SLC19A1: variants seen among roughly 807,000 people sequenced by gnomAD.
SLC19A1 encodes the protein solute carrier family 19 member 1.
Under a neutral mutation model 35.3 loss-of-function variants are expected in SLC19A1, and 37 were observed. That is an observed-to-expected ratio of 1.05 (90% CI 0.81 to 1.38). SLC19A1 has a LOEUF of 1.38. SLC19A1 is among the 40% of genes most tolerant of loss of function. SLC19A1 has a pLI of 0.00. For missense variants in SLC19A1, 831 were observed against 826.9 expected, an observed-to-expected ratio of 1.00 and a Z score of -0.06; for synonymous variants, 460 against 398.5, an observed-to-expected ratio of 1.15 and a Z score of -1.84.
chr21:45,544,159 C>G (rs1192184295), upstream of SLC19A1: 1 of 152,350 alleles, frequency 6.6e-6, no homozygotes, highest in Non-Finnish European at 1.5e-5. Context: ...TCAGGTGTAG[C>G]CGAGCGAATC....
chr21:45,503,072 T>G (rs1240926631), intron 3 of SLC19A1: 1 of 152,172 alleles, frequency 6.6e-6, no homozygotes, highest in East Asian at 1.9e-4. Flanking sequence ...TTATAGTCCT[T>G]TGTGTATATA....
At chr21:45,547,701 A>C (rs2078428495), upstream of SLC19A1, among the ~76,000 whole-genome samples, 1 of 152,162 alleles carries the variant, frequency 6.6e-6, no homozygotes, top group South Asian at 2.1e-4. Flanking sequence ...TGTATATCTT[A>C]CATGTATTTG....
intron 3 of SLC19A1, 25 bp downstream of exon 3, chr21:45,531,364 G>A: frequency 1.9e-6 from 3 of 1,543,690 alleles, no homozygotes; most frequent in South Asian, 2.5e-5. Context: ...GCGGGAAGAA[G>A]CCTCGGGGAC....
rs1044046012 is a variant in SLC19A1, at chr21:45,505,487, CA to C, written c.498-6876del. The C allele has an allele frequency of 4.4e-6, 4 of 903,482 alleles. No homozygotes were observed. The Admixed American group carries it at 8.0e-5, about 18-fold the overall frequency. 56.0% of individuals were successfully genotyped at this position (903,482 alleles called of 1,614,324 possible). ...GCGTCCCGTGCCCTGGCTGGTTCTG[CA>C]GCCCCTGCCCCTCAGAGACACTCTC... On this transcript the variant is annotated intron_variant, in intron 3 of 4. Coordinates refer to the SLC19A1 transcript ENST00000417954.
Position 45,534,832 on chromosome 21 carries a change from G to A in SLC19A1, c.190-2684C>T. 1 of 566,212 alleles carries A rather than the reference G, an allele frequency of 1.8e-6. No homozygotes were observed. The highest frequency in any genetic ancestry group is 3.2e-6 in the Non-Finnish European group (1 of 316,618). The allele number at this position is 566,212 out of a possible 1,614,324, so 35.1% of individuals were successfully genotyped here. ...TCACAACGGTCCCAGCAGGGAGGTG[G>A]CATCTGTCAGGCGGCCACGACTCTG... is the stretch of plus-strand genomic sequence containing the variant. On this transcript the variant is annotated intron_variant, in intron 2 of 5. Transcript: ENST00000311124. This position sits in a 1 kb window ranked among gnomAD's most constrained non-coding sequence, Gnocchi z 4.2.
Position 45,540,863 on chromosome 21 carries a change from G to T in SLC19A1, c.-50+1505C>A, listed in dbSNP as rs1452366227. Among the ~76,000 whole-genome samples the T allele has an allele frequency of 6.6e-6, 1 of 151,810 alleles. No individual in the cohort carries two copies. Among genetic ancestry groups the T allele is most frequent in the African/African-American group, 2.4e-5 (1 of 41,428 alleles). On this transcript the variant is annotated intron_variant, in intron 1 of 5. Transcript: ENST00000311124. This position sits in a 1 kb window ranked among gnomAD's most constrained non-coding sequence, Gnocchi z 5.5. Reference sequence around the variant, plus strand: ...CCGGCCCCACTGTCCACAGTGACCAGCCCCACCCAGGCCCTGTCCTTCCAA... The same window carrying T: ...CCGGCCCCACTGTCCACAGTGACCATCCCCACCCAGGCCCTGTCCTTCCAA...
At chr21:45,508,524 G>GGGTGGGTGGAT (rs2037387156), downstream of SLC19A1, among the ~76,000 whole-genome samples, 1 of 151,824 alleles carries the variant, frequency 6.6e-6, no homozygotes, top group Non-Finnish European at 1.5e-5. Context: ...GTTAGTGGAT[G>GGGTGGGTGGAT]GGTGGGTGGA....
intron 1 of SLC19A1, among the ~76,000 whole-genome samples, chr21:45,561,730 C>T (rs949920117): frequency 2.0e-5 from 3 of 151,736 alleles, no homozygotes; most frequent in Non-Finnish European, 4.4e-5. Context: ...CACTGCACTC[C>T]AGCCTTGGGG....
chr21:45,527,356 C>T (rs1568989973), intron 4 of SLC19A1, among the ~76,000 whole-genome samples: 1 of 146,838 alleles, frequency 6.8e-6, no homozygotes, highest in Non-Finnish European at 1.5e-5. Context: ...GAGAGGCAGC[C>T]AGGCAGGGCA....
rs117998158 is a variant in SLC19A1, at chr21:45,560,548, C to T, written c.-50+2194G>A. 7.0e-5 allele frequency among the ~76,000 whole-genome samples: 10 copies of T among 142,162 alleles called. No homozygotes were observed. The East Asian group carries it at 2.2e-3, about 31-fold the overall frequency. The allele number at this position is 142,162 out of a possible 152,430, so 93.3% of individuals were successfully genotyped here. The stretch of plus-strand genomic sequence containing the variant: ...GTGGCACTGGCACCATGGTAGGAAG[C>T]GAAATCAGAGTCCAAACAAAGAGAC... On this transcript the variant is annotated intron_variant, in intron 1 of 5. Transcript: ENST00000650808.
rs781447881 is a variant in SLC19A1 at position 45,503,976 on chromosome 21, A to G, written c.498-5364T>C. 12 of 1,612,286 alleles carry G rather than the reference A, an allele frequency of 7.4e-6. No homozygotes were observed. The South Asian group carries it at 1.2e-4, about 16-fold the overall frequency. ...AGGGAACCCGGCGCTGTCAGACACC[A>G]CCTCAGCGAGACCCCGCCTGTCTCT... On this transcript the variant is annotated intron_variant, in intron 3 of 4. Transcript: ENST00000417954.
At chr21:45,535,895 G>C (rs181978041) in intron 2 of SLC19A1, 1 of 156,096 alleles carries the variant, frequency 6.4e-6, no homozygotes, top group African/African-American at 2.4e-5. Flanking sequence ...CACCACTTAC[G>C]TGAACTTCCT....
At chr21:45,518,126 A>G (rs2038059515) in intron 5 of SLC19A1, among the ~76,000 whole-genome samples, 1 of 152,232 alleles carries the variant, frequency 6.6e-6, no homozygotes, top group African/African-American at 2.4e-5. Flanking sequence ...AACAATAACA[A>G]ACATGCTGGA....
intron 2 of SLC19A1, 44 bp downstream of exon 2, chr21:45,537,727 C>T (rs2078170203): frequency 1.9e-5 from 4 of 208,692 alleles, no homozygotes; most frequent in African/African-American, 2.8e-5. Flanking sequence ...GCTCCCCGCC[C>T]ACCCACCCAC....
chr21:45,504,597 G>C (rs1477396174), intron 3 of SLC19A1: 2 of 1,541,502 alleles, frequency 1.3e-6, no homozygotes, highest in Admixed American at 3.9e-5. Flanking sequence ...TGTCCCAGGG[G>C]TCTGGGTGCA....
chr21:45,517,220 A>G lies in SLC19A1; in HGVS notation c.1294-1080T>C, dbSNP rs1177052706. Among the ~76,000 whole-genome samples the G allele has an allele frequency of 6.6e-6, 1 of 152,184 alleles. No individual in the cohort carries two copies. The highest frequency in any genetic ancestry group is 1.9e-4 in the East Asian group (1 of 5,198). Reference sequence around the variant, plus strand: ...GCTGGAAAAGACAACAGATGCAGAAAAAAGAGCCCATGGAAGCAGCTCTCT... The same window carrying G: ...GCTGGAAAAGACAACAGATGCAGAAGAAAGAGCCCATGGAAGCAGCTCTCT... On this transcript the variant is annotated intron_variant, in intron 5 of 5. Coordinates refer to ENST00000311124, the MANE Select transcript of SLC19A1 (RefSeq NM_194255.4). This position sits in a 1 kb window ranked among gnomAD's most constrained non-coding sequence, Gnocchi z 4.4.
At chr21:45,548,177 C>T (rs2078432301), upstream of SLC19A1, among the ~76,000 whole-genome samples, 1 of 152,192 alleles carries the variant, frequency 6.6e-6, no homozygotes. Context: ...AAAGGGTGGT[C>T]TCTAGATCAC....
chr21:45,503,092 G>A (rs896270465), intron 3 of SLC19A1: 11 of 152,156 alleles, frequency 7.2e-5, no homozygotes, highest in Non-Finnish European at 1.3e-4. Flanking sequence ...ACCCAGTAAT[G>A]GGATGGCTGG....
chr21:45,512,531 T>C (rs886057138), downstream of SLC19A1: 35 of 786,346 alleles, frequency 4.5e-5, no homozygotes, highest in Non-Finnish European at 6.6e-5. Context: ...TCACGTTTCA[T>C]GTAATCCTCA....
Sources: gnomAD v4.1 joint callset for allele counts (sites outside exome capture counted in the v4.1 genomes callset) on GRCh38, gnomAD v4.1.1 for gene constraint, Gnocchi (gnomAD v3.1) non-coding constraint, MANE v1.5 for transcripts, NCBI Gene and HGNC (gene_info 2026-07-23, HGNC 2026-07-21) for gene names.